ANO10: variants seen among roughly 807,000 people sequenced by gnomAD.
ANO10 encodes the protein anoctamin-10.
ANO10 carries 77 observed loss-of-function variants against 74.7 expected under a neutral mutation model. The observed-to-expected ratio is 1.03, with a 90% CI of 0.86 to 1.25. The LOEUF (loss-of-function observed/expected upper bound fraction) is 1.25, where lower values mean the gene tolerates loss of function less well. Among genes scored for constraint, ANO10 ranks in the 50% most tolerant of loss-of-function variants. The pLI is 0.00. For synonymous variants in ANO10, 279 were observed against 284.9 expected, an observed-to-expected ratio of 0.98 and a Z score of 0.21; for missense variants, 721 against 778.1, an observed-to-expected ratio of 0.93 and a Z score of 0.87.
At chr3:43,488,563 GA>G (rs1274779520) in intron 11 of ANO10, among the ~76,000 whole-genome samples, 2 of 152,076 alleles carry the variant, frequency 1.3e-5, no homozygotes, top group African/African-American at 4.8e-5. Context: ...AAAGACACAT[GA>G]AAAAATGCTC....
intron 11 of ANO10, among the ~76,000 whole-genome samples, chr3:43,453,352 C>G (rs893341991): frequency 1.3e-5 from 2 of 151,820 alleles, no homozygotes; most frequent in Non-Finnish European, 2.9e-5. Context: ...GCTAATTTTC[C>G]GTATTTTTAG....
intron 1 of ANO10, among the ~76,000 whole-genome samples, chr3:43,684,057 A>G (rs1201255189): frequency 6.6e-6 from 1 of 152,244 alleles, no homozygotes; most frequent in Admixed American, 6.5e-5. Context: ...AAGCAACAGC[A>G]ACAAAAGCCA....
rs573628207 is a variant in ANO10, at chr3:43,605,598, G to A, written c.139+116C>T. 82 of 1,388,674 alleles carry A rather than the reference G, an allele frequency of 5.9e-5. 1 individual carries two copies. The Middle Eastern group carries it at 7.4e-4, about 13-fold the overall frequency. 86.0% of individuals were successfully genotyped at this position (1,388,674 alleles called of 1,614,324 possible). A position where few individuals can be genotyped will look rare whatever the true frequency, so the allele number is the denominator to read the frequency against. Reference sequence around the variant, plus strand: ...ACATTAGTAAATAAAATATATCAACGAAAATTATAAAACACATTTGCAAAT... The same window carrying A: ...ACATTAGTAAATAAAATATATCAACAAAAATTATAAAACACATTTGCAAAT... On this transcript the variant is annotated intron_variant, in intron 2 of 12. Coordinates refer to ENST00000292246, the MANE Select transcript of ANO10 (RefSeq NM_018075.5).
chr3:43,484,551 G>T (rs972968435), intron 11 of ANO10, among the ~76,000 whole-genome samples: 9 of 152,128 alleles, frequency 5.9e-5, no homozygotes, highest in Non-Finnish European at 1.0e-4. Context: ...CGCCTTCAGG[G>T]TCTGCTGTCA....
At chr3:43,656,822 T>C (rs1319187677) in intron 1 of ANO10, among the ~76,000 whole-genome samples, 1 of 152,186 alleles carries the variant, frequency 6.6e-6, no homozygotes, top group Non-Finnish European at 1.5e-5. Context: ...CACACCTCCC[T>C]GCAAGCTAAG....
At chr3:43,443,384 TG>T in intron 11 of ANO10, among the ~76,000 whole-genome samples, 2 of 152,318 alleles carry the variant, frequency 1.3e-5, no homozygotes, top group Admixed American at 1.3e-4. Flanking sequence ...AGCAGTTAAT[TG>T]TTTTCTTCTT....
At chr3:43,488,614 A>T (rs2076593811) in intron 11 of ANO10, among the ~76,000 whole-genome samples, 1 of 151,416 alleles carries the variant, frequency 6.6e-6, no homozygotes. Context: ...TCAAAACCAC[A>T]ATGAGATACC....
intron 9 of ANO10, 93 bp downstream of exon 9, chr3:43,561,127 T>C: frequency 7.1e-7 from 1 of 1,408,906 alleles, no homozygotes; most frequent in Non-Finnish European, 1.0e-6. Flanking sequence ...AATAGTCACA[T>C]CTGAGATCAT....
intron 1 of ANO10, among the ~76,000 whole-genome samples, chr3:43,656,504 C>T (rs943671678): frequency 5.9e-5 from 9 of 152,114 alleles, no homozygotes; most frequent in East Asian, 1.9e-4. Flanking sequence ...AGGCTCGGGC[C>T]GCACAGGAGC....
intron 7 of ANO10, among the ~76,000 whole-genome samples, chr3:43,566,143 C>T (rs375024775): frequency 6.6e-6 from 1 of 152,162 alleles, no homozygotes; most frequent in South Asian, 2.1e-4. Context: ...TAAAAAATGG[C>T]GCACCACGAG....
At position 43,417,286 on chromosome 3, in the gene ANO10, CAT is replaced by C. The variant is rs754858169; in HGVS notation, c.1914+15323_1914+15324del. 6.6e-5 allele frequency among the ~76,000 whole-genome samples: 10 copies of C among 152,178 alleles called. No homozygotes were observed. In the East Asian group the frequency reaches 1.9e-3, roughly 29 times the overall value. On this transcript the variant is annotated intron_variant, in intron 12 of 12. Transcript: ENST00000292246. The stretch of plus-strand genomic sequence containing the variant: ...TCCATCTTCCGTTCTCTGCCAACCA[CAT>C]GTGTAGTAAGAAGGAGACAAGATGG...
In ANO10 at chr3:43,577,232, T is replaced by C. The variant is rs995800745; in HGVS notation, c.622A>G (p.Ile208Val). The change falls in exon 6 of 13, where the codon ATT becomes GTT. Residue 208 changes from isoleucine to valine, a missense_variant. Ile to Val is a conservative substitution (Grantham distance 29). Coordinates refer to ENST00000292246, the MANE Select transcript of ANO10 (RefSeq NM_018075.5). ...DSIRGYFGET[I>V]ALYFGFLEYF... is the part of the protein sequence containing the mutation. ...TCCAAAAATCCAAAGTACAGAGCAA[T>C]TGTTTCCCCAAAGTAGCCACGAATA... is the stretch of plus-strand genomic sequence containing the variant. 1.9e-6 allele frequency: 3 copies of C among 1,614,064 alleles called. No individual in the cohort carries two copies. The highest frequency in any genetic ancestry group is 1.6e-4 in the Middle Eastern group (1 of 6,062).
chr3:43,666,810 G>C (rs1353492654), intron 1 of ANO10, among the ~76,000 whole-genome samples: 1 of 152,176 alleles, frequency 6.6e-6, no homozygotes, highest in South Asian at 2.1e-4. Flanking sequence ...TCCTCACATG[G>C]AGAAAAGCCT....
At chr3:43,653,921 G>T (rs1177628310) in intron 1 of ANO10, among the ~76,000 whole-genome samples, 1 of 104,666 alleles carries the variant, frequency 9.6e-6, no homozygotes. Context: ...AGAGCAGTTT[G>T]CTGGGGTTTT....
At chr3:43,420,940 G>C (rs2092810561) in intron 12 of ANO10, among the ~76,000 whole-genome samples, 1 of 152,154 alleles carries the variant, frequency 6.6e-6, no homozygotes, top group Admixed American at 6.5e-5. Context: ...AATTGGCCAG[G>C]GGCCAAGCAC....
chr3:43,684,832 C>CA (rs1039605521), intron 1 of ANO10, among the ~76,000 whole-genome samples: 1 of 151,840 alleles, frequency 6.6e-6, no homozygotes, highest in African/African-American at 2.4e-5. Context: ...ATTGCAAGGA[C>CA]AAAAAACCAA....
intron 8 of ANO10, among the ~76,000 whole-genome samples, chr3:43,562,661 A>G (rs2080103782): frequency 6.6e-6 from 1 of 151,788 alleles, no homozygotes; most frequent in African/African-American, 2.4e-5. Flanking sequence ...AGCCTGGGCA[A>G]CAGAGTGAGA....
chr3:43,577,496 G>A (rs906626231), intron 5 of ANO10, among the ~76,000 whole-genome samples: 2 of 152,180 alleles, frequency 1.3e-5, no homozygotes, highest in East Asian at 1.9e-4. Context: ...GGTGTGCTCC[G>A]CCAGGTGCCT....
chr3:43,577,344 T>G, intron 5 of ANO10, 83 bp from the exon 6 acceptor site: 1 of 1,361,218 alleles, frequency 7.3e-7, no homozygotes, highest in Non-Finnish European at 1.0e-6. Context: ...ATTCATTTTT[T>G]AGTTAAGTGG....
Sources: allele counts gnomAD v4.1 joint callset (sites outside exome capture counted in the v4.1 genomes callset), GRCh38; gene constraint gnomAD v4.1.1; transcripts MANE v1.5; gene names NCBI Gene and HGNC (gene_info 2026-07-23, HGNC 2026-07-21).